RANBP9: variants seen among roughly 807,000 people sequenced by gnomAD.
RANBP9 encodes ran-binding protein 9.
In RANBP9, 15 loss-of-function variants were observed where a neutral mutation model predicts 84.3. The ratio of observed to expected loss-of-function variants is 0.18; its 90% CI spans 0.12 to 0.27. The LOEUF (loss-of-function observed/expected upper bound fraction) is 0.27. Ranked by LOEUF, RANBP9 falls within the 10% of genes least tolerant of loss-of-function variation. The pLI is 1.00. For missense variants in RANBP9, 809 were observed against 912.8 expected, an observed-to-expected ratio of 0.89 and a Z score of 1.46; for synonymous variants, 392 against 349.6, an observed-to-expected ratio of 1.12 and a Z score of -1.35.
chr6:13,625,053 GCTT>G (rs1007758444), intron 13 of RANBP9, among the ~76,000 whole-genome samples: 7 of 152,178 alleles, frequency 4.6e-5, no homozygotes, highest in Non-Finnish European at 8.8e-5. Flanking sequence ...ATCAGTTTGA[GCTT>G]CTCTGATATT....
intron 2 of RANBP9, among the ~76,000 whole-genome samples, chr6:13,691,603 A>G (rs986096842): frequency 1.2e-4 from 18 of 152,214 alleles, no homozygotes; most frequent in African/African-American, 3.9e-4. Context: ...ATTTATTTTA[A>G]AAACTGAGAT....
chr6:13,667,533 C>A (rs188072679), intron 2 of RANBP9, among the ~76,000 whole-genome samples: 16 of 152,272 alleles, frequency 1.1e-4, no homozygotes, highest in Admixed American at 1.0e-3. Flanking sequence ...GCATGTACAA[C>A]AATAGTCCTA....
At chr6:13,696,173 G>C (rs1171053715) in intron 2 of RANBP9, among the ~76,000 whole-genome samples, 1 of 151,922 alleles carries the variant, frequency 6.6e-6, no homozygotes, top group Non-Finnish European at 1.5e-5. Context: ...GAACTTTTGG[G>C]GTAAGGCCCA....
chr6:13,689,342 C>G (rs931684465), intron 2 of RANBP9, among the ~76,000 whole-genome samples: 1 of 147,902 alleles, frequency 6.8e-6, no homozygotes, highest in South Asian at 2.2e-4. Context: ...GTGATCTCGG[C>G]TCACTGCAAC....
At chr6:13,635,730 T>C (rs746771737) in intron 10 of RANBP9, among the ~76,000 whole-genome samples, 3 of 151,556 alleles carry the variant, frequency 2.0e-5, no homozygotes, top group Non-Finnish European at 4.4e-5. Flanking sequence ...ACTTCGAAAA[T>C]TGGTAAGAAA....
intron 2 of RANBP9, among the ~76,000 whole-genome samples, chr6:13,674,263 T>A (rs1584935783): frequency 6.6e-6 from 1 of 152,198 alleles, no homozygotes; most frequent in Non-Finnish European, 1.5e-5. Context: ...ATATATGTTG[T>A]CTACAAGAAA....
intron 2 of RANBP9, among the ~76,000 whole-genome samples, chr6:13,666,192 T>C (rs1265960527): frequency 1.3e-5 from 2 of 152,092 alleles, no homozygotes; most frequent in Non-Finnish European, 2.9e-5. Flanking sequence ...ATACATGCTG[T>C]AGTGATTAGG....
At chr6:13,661,127 C>T (rs1019708018) in intron 2 of RANBP9, among the ~76,000 whole-genome samples, 4 of 152,204 alleles carry the variant, frequency 2.6e-5, no homozygotes, top group African/African-American at 9.7e-5. Context: ...TAAGAATATA[C>T]TGATATCCCC....
intron 7 of RANBP9, 87 bp downstream of exon 7, chr6:13,642,392 A>T: frequency 1.6e-6 from 1 of 609,048 alleles, no homozygotes; most frequent in East Asian, 3.8e-5. Context: ...AAATTTTTTT[A>T]ATTAAAAAAA....
chr6:13,652,632 G>C (rs1425092919), intron 5 of RANBP9, 27 bp downstream of exon 5: 3 of 1,548,792 alleles, frequency 1.9e-6, no homozygotes, highest in Non-Finnish European at 2.7e-6. Flanking sequence ...ATTAAAAATG[G>C]AAAACTGCTT....
At chr6:13,705,307 G>A (rs1275462895) in intron 1 of RANBP9, among the ~76,000 whole-genome samples, 6 of 147,748 alleles carry the variant, frequency 4.1e-5, no homozygotes, top group Non-Finnish European at 9.0e-5. Flanking sequence ...GGGAGGCTGA[G>A]GCTGGAAAGT....
intron 2 of RANBP9, among the ~76,000 whole-genome samples, chr6:13,694,012 C>T (rs112309319): frequency 0.24 from 36,099 of 152,080 alleles, 4,631 homozygotes; most frequent in Admixed American, 0.29. Context: ...CACTGTACTC[C>T]AGCCTGGGTG....
chr6:13,694,835 G>GA (rs1367661399), intron 2 of RANBP9, among the ~76,000 whole-genome samples: 22 of 151,500 alleles, frequency 1.5e-4, no homozygotes, highest in Admixed American at 1.2e-3. Flanking sequence ...TTATCAGACT[G>GA]AAAAAAAACA....
chr6:13,673,988 G>A (rs1765831166), intron 2 of RANBP9, among the ~76,000 whole-genome samples: 1 of 151,880 alleles, frequency 6.6e-6, no homozygotes, highest in Non-Finnish European at 1.5e-5. Flanking sequence ...GGAACCTGAA[G>A]TGGGAGAATC....
intron 2 of RANBP9, among the ~76,000 whole-genome samples, chr6:13,670,801 G>GA (rs796204005): frequency 0.032 from 1,804 of 56,750 alleles, 42 homozygotes; most frequent in African/African-American, 0.074. Flanking sequence ...TTCCATCTTA[G>GA]AAAAAAAAAA....
chr6:13,687,444 C>T (rs1031014452), intron 2 of RANBP9, among the ~76,000 whole-genome samples: 3 of 151,548 alleles, frequency 2.0e-5, no homozygotes, highest in African/African-American at 7.3e-5. Flanking sequence ...GCTATGATCA[C>T]ACAACTGCAC....
In RANBP9 at chr6:13,633,297, G is replaced by C. The variant is rs544232130; in HGVS notation, c.1796-776C>G. Among the ~76,000 whole-genome samples the C allele has an allele frequency of 2.0e-4, 31 of 152,292 alleles. No individual in the cohort carries two copies. In the South Asian group the frequency reaches 6.4e-3, roughly 32 times the overall value. ...GATCCGCCCACCTCGGCCTCCCAAAGTGCTGGGATTACAGGCGTGAGCCAC... is the reference window on the plus strand; with the variant it reads ...GATCCGCCCACCTCGGCCTCCCAAACTGCTGGGATTACAGGCGTGAGCCAC... On this transcript the variant is annotated intron_variant, in intron 11 of 13. Transcript: ENST00000011619.
intron 12 of RANBP9, among the ~76,000 whole-genome samples, chr6:13,628,377 A>C (rs1461627134): frequency 6.6e-6 from 1 of 152,226 alleles, no homozygotes; most frequent in Non-Finnish European, 1.5e-5. Flanking sequence ...TATTGACTTA[A>C]TACATGCAAA....
intron 2 of RANBP9, among the ~76,000 whole-genome samples, chr6:13,683,008 T>C (rs1766080588): frequency 6.6e-6 from 1 of 152,230 alleles, no homozygotes; most frequent in African/African-American, 2.4e-5. Flanking sequence ...CTTCTGTATG[T>C]TTGTAAATGT....
Sources: allele counts gnomAD v4.1 joint callset (sites outside exome capture counted in the v4.1 genomes callset), GRCh38; gene constraint gnomAD v4.1.1; transcripts MANE v1.5; gene names NCBI Gene and HGNC (gene_info 2026-07-23, HGNC 2026-07-21).